DLGAP2: variants seen among roughly 807,000 people sequenced by gnomAD.
DLGAP2 encodes DLG associated protein 2, also known as disks large-associated protein 2.
Under a neutral mutation model 100.3 loss-of-function variants are expected in DLGAP2, and 26 were observed. The ratio of observed to expected loss-of-function variants is 0.26; its 90% CI spans 0.19 to 0.36. The LOEUF (loss-of-function observed/expected upper bound fraction) is 0.36. DLGAP2 is among the 10% of genes least tolerant of loss of function. The pLI, the probability that DLGAP2 is intolerant of heterozygous loss-of-function variation, is 1.00. For synonymous variants in DLGAP2, 886 were observed against 630.1 expected (o/e 1.41, Z -6.08); for missense variants, 1,858 against 1,453.2 (o/e 1.28, Z -4.53).
intron 4 of DLGAP2, among the ~76,000 whole-genome samples, chr8:1,504,900 AT>A (rs1799853178): frequency 6.6e-6 from 1 of 152,186 alleles, no homozygotes; most frequent in Non-Finnish European, 1.5e-5. Flanking sequence ...CAGAAGTGGG[AT>A]TCCTGGATTA....
chr8:999,035 C>T (rs925466918), intron 2 of DLGAP2, among the ~76,000 whole-genome samples: 2 of 152,126 alleles, frequency 1.3e-5, no homozygotes, highest in African/African-American at 2.4e-5. Context: ...ATGAACCATA[C>T]CAGGTTAGCT....
At chr8:1,565,460 T>G in intron 5 of DLGAP2, 1 of 462,214 alleles carries the variant, frequency 2.2e-6, no homozygotes, top group Non-Finnish European at 3.8e-6. Flanking sequence ...ATGTTCTCAC[T>G]TTATCCATAG....
At chr8:850,685 A>T (rs1195480629) in intron 1 of DLGAP2, among the ~76,000 whole-genome samples, 4 of 152,198 alleles carry the variant, frequency 2.6e-5, no homozygotes, top group African/African-American at 9.6e-5. Flanking sequence ...ATTGGCCTTT[A>T]TGTATTTTAG....
intron 1 of DLGAP2, among the ~76,000 whole-genome samples, chr8:834,310 T>A (rs11775136): frequency 0.026 from 3,885 of 152,240 alleles, 67 homozygotes; most frequent in Non-Finnish European, 0.04. Flanking sequence ...CTGTTTTAAT[T>A]TGTGGGCTTT....
At chr8:1,256,869 GC>G (rs1391816284) in intron 2 of DLGAP2, among the ~76,000 whole-genome samples, 3 of 152,172 alleles carry the variant, frequency 2.0e-5, no homozygotes, top group Non-Finnish European at 4.4e-5. Flanking sequence ...GGTAACAGGA[GC>G]CCCGCCTCCC....
At chr8:1,264,740 A>G (rs746556231) in intron 3 of DLGAP2, among the ~76,000 whole-genome samples, 3 of 152,158 alleles carry the variant, frequency 2.0e-5, no homozygotes, top group Non-Finnish European at 4.4e-5. Context: ...ATATAAAGAA[A>G]CTTTAAGGAA....
At position 1,494,393 on chromosome 8, in the gene DLGAP2, C is replaced by T. The variant is rs528157429; in HGVS notation, c.107-6973C>T. Among the ~76,000 whole-genome samples, 21 of 152,298 alleles carry T rather than the reference C, an allele frequency of 1.4e-4. No individual in the cohort carries two copies. The East Asian group carries it at 4.1e-3, about 29-fold the overall frequency. On this transcript the variant is annotated intron_variant, in intron 3 of 14. Transcript: ENST00000637795. ...AAGTGTGCATTTCCTCCTCTTTCTT[C>T]CCAAACCTTGCAGTTGGCATTCACG...
At chr8:1,201,236 C>T (rs1205341789) in intron 2 of DLGAP2, among the ~76,000 whole-genome samples, 2 of 152,146 alleles carry the variant, frequency 1.3e-5, no homozygotes, top group Non-Finnish European at 1.5e-5. Context: ...TGCATGCACG[C>T]GTGTGATTGT....
chr8:1,505,851 G>T (rs1246436674), intron 4 of DLGAP2, among the ~76,000 whole-genome samples: 1 of 152,142 alleles, frequency 6.6e-6, no homozygotes, highest in Admixed American at 6.5e-5. Flanking sequence ...TAAATCAGCT[G>T]TAAAGAGTTG....
chr8:1,316,953 G>T (rs868575101), intron 3 of DLGAP2, among the ~76,000 whole-genome samples: 763 of 64,194 alleles, frequency 0.012, 1 homozygote, highest in Admixed American at 0.022. Flanking sequence ...ACTCGGCAGC[G>T]TTTAAAAATA....
intron 3 of DLGAP2, among the ~76,000 whole-genome samples, chr8:1,446,352 C>T (rs1028149458): frequency 3.9e-5 from 6 of 152,114 alleles, no homozygotes; most frequent in African/African-American, 1.4e-4. Flanking sequence ...ATAGGGAATC[C>T]TTTCCCCATT....
At chr8:1,701,118 C>T (rs1002887568) in intron 14 of DLGAP2, 70 bp from the exon 15 acceptor site, 2 of 1,436,804 alleles carry the variant, frequency 1.4e-6, no homozygotes, top group South Asian at 1.3e-5. Flanking sequence ...GGCCCCAGGG[C>T]CGCTGAGCTC....
chr8:1,025,762 C>T (rs530410641), intron 2 of DLGAP2, among the ~76,000 whole-genome samples: 2 of 152,246 alleles, frequency 1.3e-5, no homozygotes, highest in African/African-American at 4.8e-5. Flanking sequence ...GAGGGACCAG[C>T]CTAACGGGGG....
intron 3 of DLGAP2, among the ~76,000 whole-genome samples, chr8:1,410,551 C>G (rs1024641632): frequency 6.6e-6 from 1 of 152,174 alleles, no homozygotes; most frequent in African/African-American, 2.4e-5. Flanking sequence ...CCGCACAGGT[C>G]GAGTTAAAGC....
At chr8:1,488,701 C>A (rs1460668943) in intron 3 of DLGAP2, among the ~76,000 whole-genome samples, 1 of 152,200 alleles carries the variant, frequency 6.6e-6, no homozygotes, top group East Asian at 1.9e-4. Flanking sequence ...GATTTTAATT[C>A]TACAACATCT....
Position 1,209,773 on chromosome 8 carries a change from C to T in DLGAP2, c.74-49078C>T, listed in dbSNP as rs77689075. Among the ~76,000 whole-genome samples, 1,302 of 152,178 alleles carry T rather than the reference C, an allele frequency of 8.6e-3. 19 individuals carry two copies. The highest frequency in any genetic ancestry group is 0.054 in the South Asian group (260 of 4,820). Reference sequence around the variant, plus strand: ...ATTAGTCATAAGTGAGCTTATTTTGCACAACTGTGATGGTCTGACTTGTCT... The same window carrying T: ...ATTAGTCATAAGTGAGCTTATTTTGTACAACTGTGATGGTCTGACTTGTCT... On this transcript the variant is annotated intron_variant, in intron 2 of 14. Transcript: ENST00000637795.
chr8:1,470,659 C>G (rs947923127), intron 3 of DLGAP2, among the ~76,000 whole-genome samples: 2 of 152,112 alleles, frequency 1.3e-5, no homozygotes, highest in African/African-American at 4.8e-5. Flanking sequence ...AATCTCTCGG[C>G]ACAATCCTAC....
At chr8:1,137,034 A>G (rs1209676276) in intron 2 of DLGAP2, among the ~76,000 whole-genome samples, 1 of 152,204 alleles carries the variant, frequency 6.6e-6, no homozygotes, top group Non-Finnish European at 1.5e-5. Flanking sequence ...AATGGCTCAA[A>G]CAACAGGAAC....
At chr8:1,057,729 G>A (rs1802925841) in intron 2 of DLGAP2, among the ~76,000 whole-genome samples, 1 of 152,194 alleles carries the variant, frequency 6.6e-6, no homozygotes, top group Admixed American at 6.5e-5. Context: ...TTTGAGAATT[G>A]TGACTATGTT....
Sources: gnomAD v4.1 joint callset for allele counts (sites outside exome capture counted in the v4.1 genomes callset) on GRCh38, gnomAD v4.1.1 for gene constraint, MANE v1.5 for transcripts, NCBI Gene and HGNC (gene_info 2026-07-23, HGNC 2026-07-21) for gene names.